The following PCNX2 variants were observed in gnomAD, a reference collection of about 807,000 sequenced individuals.
The protein encoded by PCNX2 is pecanex 2, also known as pecanex-like protein 2.
In PCNX2, 168 loss-of-function variants were observed where a neutral mutation model predicts 223.8. The observed-to-expected ratio is 0.75, with a 90% CI of 0.66 to 0.85. The LOEUF (loss-of-function observed/expected upper bound fraction) is 0.85. Ranked by LOEUF, PCNX2 falls within the 40% of genes least tolerant of loss-of-function variation. The pLI, the probability that PCNX2 is intolerant of heterozygous loss-of-function variation, is 0.00. For missense variants in PCNX2, 2,507 were observed against 2,675.5 expected, an observed-to-expected ratio of 0.94 and a Z score of 1.39; for synonymous variants, 1,006 against 1,052.6, an observed-to-expected ratio of 0.96 and a Z score of 0.86.
At chr1:233,043,178 C>T (rs1671703993) in intron 25 of PCNX2, among the ~76,000 whole-genome samples, 1 of 152,180 alleles carries the variant, frequency 6.6e-6, no homozygotes, top group African/African-American at 2.4e-5. Context: ...TTTTTCTCCT[C>T]TTCTCATAGA....
intron 8 of PCNX2, chr1:233,241,451 G>C (rs1336066125): frequency 2.3e-6 from 2 of 865,836 alleles, no homozygotes; most frequent in African/African-American, 3.7e-5. Flanking sequence ...ATACGTCTAA[G>C]AAAACAAGAT....
At chr1:233,024,494 C>T (rs977473379) in intron 26 of PCNX2, among the ~76,000 whole-genome samples, 1 of 152,188 alleles carries the variant, frequency 6.6e-6, no homozygotes, top group Non-Finnish European at 1.5e-5. Flanking sequence ...CTCTCGCCTG[C>T]CCCTTCCCCT....
At chr1:233,211,518 C>T (rs191075986) in intron 12 of PCNX2, among the ~76,000 whole-genome samples, 229 of 152,250 alleles carry the variant, frequency 1.5e-3, no homozygotes, top group Non-Finnish European at 2.5e-3. Context: ...CACTGAGTGT[C>T]CTACCTACTT....
intron 23 of PCNX2, among the ~76,000 whole-genome samples, chr1:233,062,145 T>G (rs983784792): frequency 1.3e-5 from 2 of 152,182 alleles, no homozygotes; most frequent in African/African-American, 4.8e-5. Flanking sequence ...TTACTAGAAA[T>G]TGAACTACTA....
rs1572027341 is a variant in PCNX2 at position 233,028,909 on chromosome 1, G to A, written c.4352-3510C>T. 2.7e-5 allele frequency among the ~76,000 whole-genome samples: 4 copies of A among 146,264 alleles called. No homozygotes were observed. In the East Asian group the frequency reaches 8.5e-4, roughly 31 times the overall value. On this transcript the variant is annotated intron_variant, in intron 25 of 33. Coordinates refer to ENST00000258229, the MANE Select transcript of PCNX2 (RefSeq NM_014801.4). The stretch of plus-strand genomic sequence containing the variant: ...GCTGGAGTGCAATGGTGTGATCTCA[G>A]CTCACTGCAACCTCTGCTTCCCGGG...
chr1:233,288,447 C>T (rs1007655919), intron 1 of PCNX2, among the ~76,000 whole-genome samples: 10 of 151,920 alleles, frequency 6.6e-5, no homozygotes, highest in Non-Finnish European at 1.2e-4. Context: ...ACTTGTAATA[C>T]CAGAATGGAA....
intron 25 of PCNX2, among the ~76,000 whole-genome samples, chr1:233,053,271 A>G (rs1327156585): frequency 6.6e-6 from 1 of 151,948 alleles, no homozygotes; most frequent in African/African-American, 2.4e-5. Flanking sequence ...AGATGCCAGG[A>G]GTGCTCTGAG....
At chr1:233,246,207 A>G (rs1659112044) in intron 8 of PCNX2, among the ~76,000 whole-genome samples, 1 of 151,940 alleles carries the variant, frequency 6.6e-6, no homozygotes, top group Non-Finnish European at 1.5e-5. Flanking sequence ...AATGCCCTTC[A>G]GATGGGATGA....
chr1:233,151,199 T>C (rs1571975140), intron 19 of PCNX2, among the ~76,000 whole-genome samples: 1 of 152,206 alleles, frequency 6.6e-6, no homozygotes, highest in Non-Finnish European at 1.5e-5. Flanking sequence ...ACAAGGTTAC[T>C]TAAAAACACC....
At chr1:233,236,778 T>G in intron 9 of PCNX2, 67 bp downstream of exon 9, 1 of 1,577,054 alleles carries the variant, frequency 6.3e-7, no homozygotes, top group Non-Finnish European at 8.6e-7. Context: ...TAATCCAACC[T>G]GGAAAAAGGT....
chr1:233,070,396 C>T (rs1351627696), intron 23 of PCNX2, among the ~76,000 whole-genome samples: 2 of 151,700 alleles, frequency 1.3e-5, no homozygotes, highest in East Asian at 3.9e-4. Flanking sequence ...AAAAACCTGA[C>T]AAAAACAGCA....
chr1:233,202,512 C>T (rs922811596), intron 13 of PCNX2, among the ~76,000 whole-genome samples: 8 of 152,162 alleles, frequency 5.3e-5, no homozygotes, highest in African/African-American at 1.9e-4. Context: ...AGAAATAAAA[C>T]TAAAGCCTAT....
At chr1:233,092,323 A>G (rs1673911427) in intron 22 of PCNX2, among the ~76,000 whole-genome samples, 1 of 152,188 alleles carries the variant, frequency 6.6e-6, no homozygotes, top group African/African-American at 2.4e-5. Context: ...TCTAATTTTT[A>G]GAAGACAGTA....
chr1:233,309,543 A>AAATAATAAT, the PCNX2 span, among the ~76,000 whole-genome samples: 1 of 146,640 alleles, frequency 6.8e-6, no homozygotes, highest in African/African-American at 2.5e-5. Context: ...TCCCTCAAAA[A>AAATAATAAT]AATAATAATA....
intron 9 of PCNX2, among the ~76,000 whole-genome samples, chr1:233,233,564 A>G (rs1317550233): frequency 6.6e-6 from 1 of 151,476 alleles, no homozygotes; most frequent in Non-Finnish European, 1.5e-5. Context: ...CTGTATTTGT[A>G]CCAGGGAGGA....
chr1:233,218,981 T>C (rs1256980545), intron 10 of PCNX2, among the ~76,000 whole-genome samples: 4 of 151,396 alleles, frequency 2.6e-5, no homozygotes, highest in Non-Finnish European at 4.4e-5. Context: ...AGCAGGAGAG[T>C]TGAGGGTGAG....
At chr1:233,219,896 T>C (rs935558570) in intron 10 of PCNX2, among the ~76,000 whole-genome samples, 1 of 152,196 alleles carries the variant, frequency 6.6e-6, no homozygotes, top group Admixed American at 6.5e-5. Flanking sequence ...ATGAGAACTC[T>C]AGTGAAAGTT....
At chr1:232,985,057 C>G (rs1022013088) in intron 33 of PCNX2, 1 of 152,236 alleles carries the variant, frequency 6.6e-6, no homozygotes, top group African/African-American at 2.4e-5. Context: ...TTTTAGTTAT[C>G]TAACTAAGGT....
chr1:233,088,748 T>TC (rs1558218889), intron 23 of PCNX2, among the ~76,000 whole-genome samples: 1 of 151,998 alleles, frequency 6.6e-6, no homozygotes, highest in Admixed American at 6.6e-5. Context: ...CTGAAGGAGA[T>TC]CCCCCCGAGT....
Sources: gnomAD v4.1 joint callset for allele counts (sites outside exome capture counted in the v4.1 genomes callset) on GRCh38, gnomAD v4.1.1 for gene constraint, MANE v1.5 for transcripts, NCBI Gene and HGNC (gene_info 2026-07-23, HGNC 2026-07-21) for gene names.